Variants in DUSP16 observed in about 807,000 individuals in gnomAD.
DUSP16 encodes the protein dual specificity protein phosphatase 16.
A neutral mutation model predicts 58.3 loss-of-function variants in DUSP16; 21 were observed. The ratio of observed to expected loss-of-function variants is 0.36; its 90% CI spans 0.26 to 0.52. The LOEUF (loss-of-function observed/expected upper bound fraction) is 0.52, where lower values mean the gene tolerates loss of function less well. Among genes scored for constraint, DUSP16 ranks in the 20% least tolerant of loss-of-function variants. DUSP16 has a pLI of 0.94. For synonymous variants in DUSP16, 320 were observed against 323.8 expected (o/e 0.99, Z 0.12); for missense variants, 726 against 819.0 (o/e 0.89, Z 1.39).
At chr12:12,540,901 C>T (rs1050482131) in intron 1 of DUSP16, among the ~76,000 whole-genome samples, 4 of 147,514 alleles carry the variant, frequency 2.7e-5, no homozygotes, top group African/African-American at 1.0e-4. Flanking sequence ...ACAGATTCAT[C>T]TTTCTTCAGG....
intron 4 of DUSP16, among the ~76,000 whole-genome samples, chr12:12,490,032 G>A (rs1943740195): frequency 6.6e-6 from 1 of 152,170 alleles, no homozygotes; most frequent in African/African-American, 2.4e-5. Context: ...ACCTGCCTCA[G>A]ACTCCTGAGT....
intron 1 of DUSP16, among the ~76,000 whole-genome samples, chr12:12,556,233 C>CT (rs1420810183): frequency 1.3e-5 from 2 of 152,032 alleles, no homozygotes; most frequent in Admixed American, 1.3e-4. Context: ...AATATCAACA[C>CT]TTTTTAAAAT....
chr12:12,532,351 C>T (rs1052945164), intron 1 of DUSP16, among the ~76,000 whole-genome samples: 2 of 152,124 alleles, frequency 1.3e-5, no homozygotes, highest in African/African-American at 2.4e-5. Flanking sequence ...TAAAAATATA[C>T]TTATTGACAG....
chr12:12,474,693 C>T lies in DUSP16; in HGVS notation c.*2140G>A, dbSNP rs552920355. The T allele has an allele frequency of 6.6e-6, 1 of 152,322 alleles. No homozygotes were observed. The highest frequency in any genetic ancestry group is 2.1e-4 in the South Asian group (1 of 4,828). The allele number at this position is 152,322 out of a possible 1,614,324, so 9.4% of individuals were successfully genotyped here. On this transcript the variant is annotated 3_prime_UTR_variant, in exon 7 of 7. Coordinates refer to ENST00000298573, the MANE Select transcript of DUSP16 (RefSeq NM_030640.3). ...AAGGGGGACCATGGCCAAGAGAAGC[C>T]CTAAATGACAGAAGCTCATTAAAAC... is the stretch of plus-strand genomic sequence containing the variant.
chr12:12,493,455 A>C (rs551770831), intron 4 of DUSP16, among the ~76,000 whole-genome samples: 1 of 152,272 alleles, frequency 6.6e-6, no homozygotes, highest in Non-Finnish European at 1.5e-5. Flanking sequence ...GATCCTAACA[A>C]TGTAAGTCAG....
intron 1 of DUSP16, chr12:12,560,974 AAAAG>A (rs1353231625): frequency 2.0e-5 from 3 of 152,256 alleles, no homozygotes; most frequent in Non-Finnish European, 2.9e-5. Context: ...ACAGAGGCGG[AAAAG>A]AAAGAAGAGA....
intron 3 of DUSP16, among the ~76,000 whole-genome samples, chr12:12,515,330 CTTTTT>C (rs34048427): frequency 7.2e-6 from 1 of 138,742 alleles, no homozygotes; most frequent in Non-Finnish European, 1.6e-5. Flanking sequence ...TATTAATATG[CTTTTT>C]TTTTTTTTTG....
intron 4 of DUSP16, among the ~76,000 whole-genome samples, chr12:12,492,271 C>T (rs934783221): frequency 1.3e-5 from 2 of 152,180 alleles, no homozygotes; most frequent in African/African-American, 4.8e-5. Flanking sequence ...TATGTCCCCA[C>T]TCATCTTCAC....
intron 1 of DUSP16, among the ~76,000 whole-genome samples, chr12:12,526,439 T>A (rs1467154984): frequency 6.6e-6 from 1 of 152,224 alleles, no homozygotes; most frequent in Non-Finnish European, 1.5e-5. Flanking sequence ...ATACGGTGTA[T>A]CAATGAAGTA....
chr12:12,544,761 C>T (rs1013227592), intron 1 of DUSP16, among the ~76,000 whole-genome samples: 1 of 151,586 alleles, frequency 6.6e-6, no homozygotes, highest in African/African-American at 2.4e-5. Context: ...TTTAACCTTT[C>T]GCATTGAGAT....
chr12:12,559,319 C>T (rs1235879940), intron 1 of DUSP16, among the ~76,000 whole-genome samples: 1 of 152,174 alleles, frequency 6.6e-6, no homozygotes, highest in Non-Finnish European at 1.5e-5. Context: ...AATCAAGCAC[C>T]AACTATGGTT....
intron 3 of DUSP16, among the ~76,000 whole-genome samples, chr12:12,504,704 A>AG (rs1943962830): frequency 7.3e-6 from 1 of 137,178 alleles, no homozygotes; most frequent in Admixed American, 7.6e-5. Context: ...AAAAAAAAAA[A>AG]AAAAAAAAGA....
chr12:12,514,065 T>C (rs919517144), intron 3 of DUSP16, among the ~76,000 whole-genome samples: 7 of 152,236 alleles, frequency 4.6e-5, no homozygotes, highest in Non-Finnish European at 1.0e-4. Flanking sequence ...TTCTTATTTT[T>C]TTTTGAAGGA....
rs557087667 is a variant in DUSP16 at position 12,559,781 on chromosome 12, A to AAACACACT, written c.-366+2328_-366+2335dup. ...CAGGGATTTACAGAAAATAGCATCA[A>AAACACACT]AACACACTAACACATAAATCCTGCC... On this transcript the variant is annotated intron_variant, in intron 1 of 6. Transcript: ENST00000298573. 1.2e-3 allele frequency among the ~76,000 whole-genome samples: 183 copies of AAACACACT among 152,296 alleles called. 1 individual carries two copies. In the Middle Eastern group the frequency reaches 0.017, roughly 14 times the overall value.
intron 1 of DUSP16, among the ~76,000 whole-genome samples, chr12:12,542,968 G>A (rs952921558): frequency 2.6e-5 from 4 of 152,068 alleles, no homozygotes; most frequent in Non-Finnish European, 5.9e-5. Context: ...TTGGGTATAC[G>A]ATGAGAAATT....
chr12:12,486,970 T>G, intron 5 of DUSP16, 58 bp downstream of exon 5: 1 of 1,585,992 alleles, frequency 6.3e-7, no homozygotes, highest in Non-Finnish European at 8.6e-7. Context: ...GCTGAGGGGG[T>G]TCACCTACAC....
At chr12:12,508,024 A>G (rs1482102994) in intron 3 of DUSP16, among the ~76,000 whole-genome samples, 1 of 152,268 alleles carries the variant, frequency 6.6e-6, no homozygotes, top group African/African-American at 2.4e-5. Context: ...GTGAAAAACT[A>G]GAGTACACCT....
chr12:12,498,859 T>G (rs1188265305), intron 4 of DUSP16, among the ~76,000 whole-genome samples: 1 of 152,166 alleles, frequency 6.6e-6, no homozygotes, highest in Non-Finnish European at 1.5e-5. Context: ...TTGCCCAAGG[T>G]GTTGTCCTAT....
At chr12:12,484,825 A>G (rs753298302) in intron 5 of DUSP16, among the ~76,000 whole-genome samples, 30 of 151,842 alleles carry the variant, frequency 2.0e-4, no homozygotes, top group Admixed American at 8.5e-4. Context: ...TGGCCAGGCT[A>G]TCGCAAACTC....
Sources: gnomAD v4.1 joint callset for allele counts (sites outside exome capture counted in the v4.1 genomes callset) on GRCh38, gnomAD v4.1.1 for gene constraint, MANE v1.5 for transcripts, NCBI Gene and HGNC (gene_info 2026-07-23, HGNC 2026-07-21) for gene names.